PCDH9: variants seen among roughly 807,000 people sequenced by gnomAD.
PCDH9 encodes protocadherin 9, also known as protocadherin-9.
A neutral mutation model predicts 70.6 loss-of-function variants in PCDH9; 24 were observed. The observed-to-expected ratio is 0.34, with a 90% confidence interval of 0.25 to 0.48. The LOEUF is 0.48. Ranked by LOEUF, PCDH9 falls within the 20% of genes least tolerant of loss-of-function variation. The pLI is 0.99. For missense variants in PCDH9, 1,281 were observed against 1,503.6 expected (o/e 0.85, Z 2.45); for synonymous variants, 562 against 558.5 (o/e 1.01, Z -0.09).
chr13:66,743,740 G>T (rs1463474563), intron 3 of PCDH9, among the ~76,000 whole-genome samples: 1 of 151,956 alleles, frequency 6.6e-6, no homozygotes, highest in Non-Finnish European at 1.5e-5. Flanking sequence ...AAAACACCAT[G>T]TTATATACCA....
chr13:67,193,977 C>T (rs537908484), intron 2 of PCDH9, among the ~76,000 whole-genome samples: 17 of 152,148 alleles, frequency 1.1e-4, no homozygotes, highest in African/African-American at 2.2e-4. Flanking sequence ...ATGTAACTTT[C>T]GAATTGCATA....
intron 2 of PCDH9, among the ~76,000 whole-genome samples, chr13:66,941,583 CA>C (rs544431352): frequency 3.6e-4 from 55 of 151,776 alleles, no homozygotes; most frequent in African/African-American, 5.1e-4. Flanking sequence ...TAGCACCATT[CA>C]AAAGAAAGCC....
intron 2 of PCDH9, among the ~76,000 whole-genome samples, chr13:66,979,094 G>A (rs565555808): frequency 2.6e-5 from 4 of 151,968 alleles, no homozygotes; most frequent in East Asian, 1.9e-4. Flanking sequence ...GTTTTGTTTC[G>A]ACAAGTTATA....
chr13:66,343,295 G>A lies in PCDH9; in HGVS notation c.3341-38267C>T, dbSNP rs191345000. Among the ~76,000 whole-genome samples the A allele has an allele frequency of 5.9e-5, 9 of 152,294 alleles. No homozygotes were observed. The East Asian group carries it at 1.7e-3, about 29-fold the overall frequency. ...CTATAGGTCACAAGTCTGGTACAGA[G>A]TGACCCTGTTGAGTCCTCTGCTGAG... On this transcript the variant is annotated intron_variant, in intron 4 of 4. Coordinates refer to ENST00000377865, the MANE Select transcript of PCDH9 (RefSeq NM_203487.3).
chr13:67,139,110 G>T (rs1296362789), intron 2 of PCDH9, among the ~76,000 whole-genome samples: 1 of 152,144 alleles, frequency 6.6e-6, no homozygotes, highest in African/African-American at 2.4e-5. Flanking sequence ...CTTCTGCCCT[G>T]ACATCTGCCA....
At chr13:66,315,623 A>T (rs1387008373) in intron 4 of PCDH9, among the ~76,000 whole-genome samples, 1 of 152,180 alleles carries the variant, frequency 6.6e-6, no homozygotes, top group Non-Finnish European at 1.5e-5. Context: ...CTGGGATTAG[A>T]GGCGTGTGCC....
intron 3 of PCDH9, among the ~76,000 whole-genome samples, chr13:66,898,455 T>C (rs1298130663): frequency 2.0e-5 from 3 of 152,026 alleles, no homozygotes; most frequent in Admixed American, 2.0e-4. Flanking sequence ...ATGATTTACC[T>C]AATTATTTTA....
intron 3 of PCDH9, among the ~76,000 whole-genome samples, chr13:66,779,841 C>CTA (rs1461666323): frequency 2.7e-3 from 71 of 26,232 alleles, no homozygotes; most frequent in Admixed American, 3.7e-3. Context: ...CTCTCTCTCT[C>CTA]TCTCTCTCTA....
intron 2 of PCDH9, among the ~76,000 whole-genome samples, chr13:67,019,188 C>CTT (rs60154161): frequency 0.37 from 38,200 of 102,462 alleles, 8,544 homozygotes; most frequent in East Asian, 0.65. Flanking sequence ...GGCAGTTGCT[C>CTT]TTTTTTTTTT....
chr13:67,172,877 CA>C (rs11407365), intron 2 of PCDH9, among the ~76,000 whole-genome samples: 36 of 99,078 alleles, frequency 3.6e-4, no homozygotes, highest in South Asian at 3.5e-3. Flanking sequence ...GACTCCATCT[CA>C]AAAAAAAAAA....
chr13:66,980,606 TC>T (rs1437720413), intron 2 of PCDH9, among the ~76,000 whole-genome samples: 1 of 151,980 alleles, frequency 6.6e-6, no homozygotes, highest in Non-Finnish European at 1.5e-5. Context: ...TTTTTATTTT[TC>T]CATTACAATC....
intron 2 of PCDH9, among the ~76,000 whole-genome samples, chr13:66,911,682 C>A (rs976323145): frequency 6.6e-6 from 1 of 152,076 alleles, no homozygotes; most frequent in Non-Finnish European, 1.5e-5. Context: ...ACTGTAAAGC[C>A]ATTTCACAAG....
intron 2 of PCDH9, among the ~76,000 whole-genome samples, chr13:67,164,171 T>C (rs1171381531): frequency 6.6e-6 from 1 of 152,242 alleles, no homozygotes; most frequent in African/African-American, 2.4e-5. Context: ...TAAACATTTT[T>C]ATTTTCAGCT....
intron 4 of PCDH9, among the ~76,000 whole-genome samples, chr13:66,325,269 A>G (rs1414634262): frequency 2.0e-5 from 3 of 151,992 alleles, no homozygotes; most frequent in Non-Finnish European, 4.4e-5. Flanking sequence ...CTGAGGGAGA[A>G]TAGTTATTCA....
chr13:66,478,417 G>A (rs1222920080), intron 4 of PCDH9, among the ~76,000 whole-genome samples: 1 of 152,196 alleles, frequency 6.6e-6, no homozygotes, highest in African/African-American at 2.4e-5. Context: ...AGAAATGACT[G>A]TGCTTACTGA....
chr13:66,324,933 G>T (rs73505827), intron 4 of PCDH9, among the ~76,000 whole-genome samples: 1 of 151,668 alleles, frequency 6.6e-6, no homozygotes, highest in South Asian at 2.1e-4. Flanking sequence ...AACTTAGAGC[G>T]TCTGTCATCT....
intron 3 of PCDH9, among the ~76,000 whole-genome samples, chr13:66,728,730 T>C (rs368033949): frequency 7.2e-5 from 11 of 152,238 alleles, no homozygotes; most frequent in African/African-American, 2.6e-4. Flanking sequence ...AATCCATTAC[T>C]CTAATATTAT....
At chr13:66,599,304 T>C (rs1210760983) in intron 4 of PCDH9, among the ~76,000 whole-genome samples, 1 of 151,758 alleles carries the variant, frequency 6.6e-6, no homozygotes, top group Non-Finnish European at 1.5e-5. Context: ...TTTGTTTTAA[T>C]TGAAGAGATT....
chr13:66,697,047 A>G (rs574600491), intron 3 of PCDH9, among the ~76,000 whole-genome samples: 10 of 152,172 alleles, frequency 6.6e-5, no homozygotes, highest in South Asian at 4.2e-4. Flanking sequence ...GCAGTGAGCC[A>G]TGATCACACC....
Sources: gnomAD v4.1 joint callset for allele counts (sites outside exome capture counted in the v4.1 genomes callset) on GRCh38, gnomAD v4.1.1 for gene constraint, MANE v1.5 for transcripts, NCBI Gene and HGNC (gene_info 2026-07-23, HGNC 2026-07-21) for gene names.